Variants in RAPGEF1 observed in about 807,000 individuals in gnomAD.
The protein encoded by RAPGEF1 is CRK SH3-binding GNRP.
In RAPGEF1, 33 loss-of-function variants were observed where a neutral mutation model predicts 143.3. That is an observed-to-expected ratio of 0.23 (90% CI 0.17 to 0.31). The LOEUF (loss-of-function observed/expected upper bound fraction) is 0.31, where lower values mean the gene tolerates loss of function less well. RAPGEF1 is among the 10% of genes least tolerant of loss of function. The probability of loss-of-function intolerance (pLI) is 1.00; values close to 1 mark genes in which losing one functional copy is unlikely to be tolerated. For missense variants in RAPGEF1, 1,199 were observed against 1,645.4 expected (o/e 0.73, Z 4.69); for synonymous variants, 629 against 676.5 (o/e 0.93, Z 1.09).
At chr9:131,652,708 T>C (rs183138606) in intron 1 of RAPGEF1, among the ~76,000 whole-genome samples, 66 of 152,322 alleles carry the variant, frequency 4.3e-4, no homozygotes, top group African/African-American at 1.5e-3. Flanking sequence ...TAACAATGCC[T>C]TCTTTTATAA....
intron 1 of RAPGEF1, among the ~76,000 whole-genome samples, chr9:131,737,174 C>A (rs977060442): frequency 6.6e-6 from 1 of 152,204 alleles, no homozygotes; most frequent in African/African-American, 2.4e-5. Context: ...AATCTGCAGG[C>A]GAGGTCCTGA....
chr9:131,697,897 G>C (rs1834310842), intron 1 of RAPGEF1, among the ~76,000 whole-genome samples: 2 of 152,302 alleles, frequency 1.3e-5, no homozygotes, highest in South Asian at 4.1e-4. Context: ...GTGTACCTGT[G>C]TCAGGGCCAG....
At chr9:131,622,267 G>A (rs1401520227) in intron 10 of RAPGEF1, among the ~76,000 whole-genome samples, 1 of 152,216 alleles carries the variant, frequency 6.6e-6, no homozygotes, top group Non-Finnish European at 1.5e-5. Flanking sequence ...CACATGGCGG[G>A]TGCAGGGATG....
chr9:131,588,544 G>A (rs1953598802), intron 20 of RAPGEF1, among the ~76,000 whole-genome samples: 1 of 152,206 alleles, frequency 6.6e-6, no homozygotes, highest in South Asian at 2.1e-4. Flanking sequence ...AGCCCAGGGT[G>A]TGTGCACTCC....
chr9:131,732,311 T>C (rs750303156), intron 1 of RAPGEF1, among the ~76,000 whole-genome samples: 3 of 151,332 alleles, frequency 2.0e-5, no homozygotes, highest in Non-Finnish European at 4.4e-5. Context: ...TCAGGCTGAG[T>C]AGAGCTGGCA....
At chr9:131,604,421 G>T (rs1335250449) in intron 13 of RAPGEF1, among the ~76,000 whole-genome samples, 2 of 152,196 alleles carry the variant, frequency 1.3e-5, no homozygotes, top group African/African-American at 4.8e-5. Flanking sequence ...GCTCCAATCT[G>T]CAAGGCAGCA....
chr9:131,728,232 T>C (rs1031375451), intron 1 of RAPGEF1, among the ~76,000 whole-genome samples: 1 of 152,216 alleles, frequency 6.6e-6, no homozygotes, highest in African/African-American at 2.4e-5. Flanking sequence ...CTTGCAGTGC[T>C]CAATGCAACT....
At position 131,739,831 on chromosome 9, in the gene RAPGEF1, C is replaced by A; in HGVS notation, c.-1G>T. The A allele has an allele frequency of 1.9e-6, 2 of 1,049,782 alleles. No individual in the cohort carries two copies. The highest frequency in any genetic ancestry group is 3.4e-5 in the South Asian group (1 of 29,822). 65.0% of individuals were successfully genotyped at this position (1,049,782 alleles called of 1,614,324 possible). A position where few individuals can be genotyped will look rare whatever the true frequency, so the allele number is the denominator to read the frequency against. On this transcript the variant is annotated 5_prime_UTR_variant, in exon 1 of 27. Coordinates refer to ENST00000683357, the MANE Select transcript of RAPGEF1 (RefSeq NM_001377935.1). Reference sequence around the variant, plus strand: ...GCCGGAGGCCGAGGCCGCCGCTCATCGGGCCCGGGCCGGGCCGCCGCGGGG... The same window carrying A: ...GCCGGAGGCCGAGGCCGCCGCTCATAGGGCCCGGGCCGGGCCGCCGCGGGG...
intron 12 of RAPGEF1, among the ~76,000 whole-genome samples, chr9:131,612,645 G>A (rs1364686455): frequency 2.0e-5 from 3 of 152,226 alleles, no homozygotes; most frequent in Non-Finnish European, 4.4e-5. Flanking sequence ...GAGGGTCGCA[G>A]TGACCTGGAA....
intron 5 of RAPGEF1, among the ~76,000 whole-genome samples, chr9:131,634,113 C>T (rs145517905): frequency 6.6e-6 from 1 of 152,108 alleles, no homozygotes; most frequent in East Asian, 1.9e-4. Flanking sequence ...ATTAGTTGGA[C>T]GTGGTGGCAT....
intron 17 of RAPGEF1, 77 bp from the exon 18 acceptor site, chr9:131,592,260 C>T (rs1954427842): frequency 8.3e-7 from 1 of 1,209,414 alleles, no homozygotes; most frequent in Admixed American, 1.8e-5. Flanking sequence ...GGATTTGAGT[C>T]CTTGCTCTGA....
chr9:131,681,931 T>C (rs528573254), intron 1 of RAPGEF1, among the ~76,000 whole-genome samples: 12 of 152,328 alleles, frequency 7.9e-5, no homozygotes, highest in African/African-American at 2.6e-4. Flanking sequence ...GCTCAGGATA[T>C]AGTGTTGCAG....
chr9:131,626,929 C>T (rs544676020), intron 9 of RAPGEF1, among the ~76,000 whole-genome samples: 2 of 152,248 alleles, frequency 1.3e-5, no homozygotes, highest in East Asian at 1.9e-4. Context: ...GGCAAAACCC[C>T]GTCTCTACTA....
intron 1 of RAPGEF1, among the ~76,000 whole-genome samples, chr9:131,681,162 A>G (rs1370652194): frequency 2.6e-5 from 4 of 152,194 alleles, no homozygotes; most frequent in Admixed American, 2.0e-4. Context: ...AGCTAAAGCT[A>G]AAGCAGCAAA....
chr9:131,592,291 C>T (rs186495221), intron 17 of RAPGEF1, 108 bp from the exon 18 acceptor site: 48 of 848,768 alleles, frequency 5.7e-5, no homozygotes, highest in Admixed American at 4.3e-4. Flanking sequence ...GGAGATGGCA[C>T]GGGGAGTGGG....
chr9:131,642,977 C>G (rs1461387973), intron 4 of RAPGEF1, among the ~76,000 whole-genome samples: 1 of 152,170 alleles, frequency 6.6e-6, no homozygotes, highest in East Asian at 1.9e-4. Flanking sequence ...CAGTTAAGTT[C>G]TGCAATGACC....
rs188139619 is a variant in RAPGEF1, at chr9:131,628,282, G to A, written c.1018-186C>T. On this transcript the variant is annotated intron_variant, in intron 8 of 26. Transcript: ENST00000683357. The surrounding 1 kb of genome is among the most constrained non-coding windows in gnomAD (Gnocchi z 5.7). Reference sequence around the variant, plus strand: ...AAGCAGCCATCTGGAGTTTGTGGGGGGTGTGGCCAGGGAGGGCCCTGGGGC... The same window carrying A: ...AAGCAGCCATCTGGAGTTTGTGGGGAGTGTGGCCAGGGAGGGCCCTGGGGC... 3.3e-5 allele frequency among the ~76,000 whole-genome samples: 5 copies of A among 152,316 alleles called. No homozygotes were observed. In the East Asian group the frequency reaches 9.6e-4, roughly 29 times the overall value.
At position 131,588,921 on chromosome 9, in the gene RAPGEF1, T is replaced by G. The variant is rs766831810; in HGVS notation, c.2933A>C (p.Asn978Thr). The change falls in exon 20 of 27, where the codon AAT (asparagine) becomes ACT (threonine). Residue 978 changes from asparagine (N) to threonine (T), a missense_variant. Asn to Thr is a moderately conservative substitution (Grantham distance 65). Coordinates refer to ENST00000683357, the MANE Select transcript of RAPGEF1 (RefSeq NM_001377935.1). ...LMELVFRLVC[N>T]GELSLARVLR... is the part of the protein sequence containing the mutation. ...CACACGGGCCAGGCTCAGCTCCCCA[T>G]TGCACACCAGGCGGAAGACCAGTTC... is the stretch of plus-strand genomic sequence containing the variant. 1.2e-6 allele frequency: 2 copies of G among 1,613,858 alleles called. No homozygotes were observed. Among genetic ancestry groups the G allele is most frequent in the South Asian group, 2.2e-5 (2 of 91,084 alleles).
Position 131,626,394 on chromosome 9 carries a change from G to A in RAPGEF1, c.1230C>T (p.Leu410=), listed in dbSNP as rs1963061317. 1 of 1,604,152 alleles carries A rather than the reference G, an allele frequency of 6.2e-7. No individual in the cohort carries two copies. The highest frequency in any genetic ancestry group is 2.2e-5 in the East Asian group (1 of 44,656). Residue 410 remains leucine, a synonymous_variant, in exon 10 of 27, where the codon CTC becomes CTT. Transcript: ENST00000683357. Reference sequence around the variant, plus strand: ...GGTCTGCGTTAGAGAGGTCTTGCTGGAGGAATTCATAGTCGGGATCATAGT... The same window carrying A: ...GGTCTGCGTTAGAGAGGTCTTGCTGAAGGAATTCATAGTCGGGATCATAGT... The part of the protein sequence containing the change: ...LDHYDPDYEF[L]QQDLSNADQI...
Sources: allele counts gnomAD v4.1 joint callset (sites outside exome capture counted in the v4.1 genomes callset), GRCh38; gene constraint gnomAD v4.1.1; non-coding constraint Gnocchi (gnomAD v3.1); transcripts MANE v1.5; gene names NCBI Gene and HGNC (gene_info 2026-07-23, HGNC 2026-07-21).